Variants in ABCB5 observed in about 807,000 individuals in gnomAD.
The protein encoded by ABCB5 is ATP binding cassette subfamily B member 5.
Under a neutral mutation model 144.2 loss-of-function variants are expected in ABCB5, and 155 were observed. The observed-to-expected ratio is 1.08, with a 90% CI of 0.94 to 1.23. ABCB5 has a LOEUF of 1.23. ABCB5 is among the 50% of genes most tolerant of loss of function. The probability of loss-of-function intolerance (pLI) is 0.00; values close to 1 mark genes in which losing one functional copy is unlikely to be tolerated. For missense variants in ABCB5, 1,830 were observed against 1,520.8 expected (o/e 1.20, Z -3.38); for synonymous variants, 610 against 528.6 (o/e 1.15, Z -2.11).
At chr7:20,740,364 T>C (rs1426761449) in intron 24 of ABCB5, among the ~76,000 whole-genome samples, 1 of 152,246 alleles carries the variant, frequency 6.6e-6, no homozygotes. Flanking sequence ...TATACTTAAA[T>C]GTTTTTAACT....
intron 21 of ABCB5, 29 bp downstream of exon 21, chr7:20,723,248 A>G: frequency 6.2e-7 from 1 of 1,605,808 alleles, no homozygotes; most frequent in South Asian, 1.1e-5. Flanking sequence ...TCACCATCGT[A>G]ACATTTAAAG....
rs144219211 is a variant in ABCB5, at chr7:20,699,893, T to C, written c.2223T>C (p.Ile741=). The C allele has an allele frequency of 6.2e-7, 1 of 1,612,922 alleles. No individual in the cohort carries two copies. The highest frequency in any genetic ancestry group is 1.3e-5 in the African/African-American group (1 of 75,012). ...AAATTTATTCCATGATATTCGTCAT[T>C]TTGGGTGTTATTTGCTTTGTCAGTT... is the stretch of plus-strand genomic sequence containing the variant. ...DAEIYSMIFV[I]LGVICFVSYF... Residue 741 remains isoleucine (I), a synonymous_variant, in exon 18 of 28, where the codon ATT becomes ATC. Coordinates refer to ENST00000404938, the MANE Select transcript of ABCB5 (RefSeq NM_001163941.2).
chr7:20,740,736 G>A lies in ABCB5; in HGVS notation c.3024+1597G>A, dbSNP rs1037782825. Among the ~76,000 whole-genome samples, 3 of 152,062 alleles carry A rather than the reference G, an allele frequency of 2.0e-5. No individual in the cohort carries two copies. In the East Asian group the frequency reaches 5.8e-4, roughly 29 times the overall value. On this transcript the variant is annotated intron_variant, in intron 24 of 27. Coordinates refer to ENST00000404938, the MANE Select transcript of ABCB5 (RefSeq NM_001163941.2). ...AGACTATGGAAGTGTTTCTTATAAA[G>A]GCTATAAAATTAATGAATTTAATCC...
chr7:20,736,778 C>T (rs542276827), intron 23 of ABCB5, among the ~76,000 whole-genome samples: 1 of 152,272 alleles, frequency 6.6e-6, no homozygotes, highest in East Asian at 1.9e-4. Flanking sequence ...TTTAGCTCAC[C>T]CTAGCTAATT....
rs151323427 is a variant in ABCB5, at chr7:20,680,758, A to C, written c.1708-747A>C. ...ATACTTGTAAAAAAGTTAAAAATAT[A>C]TATTACTTTTAATTTGTACCCAACT... On this transcript the variant is annotated intron_variant, in intron 14 of 27. Transcript: ENST00000404938. Among the ~76,000 whole-genome samples the C allele has an allele frequency of 2.2e-3, 333 of 152,264 alleles. 3 individuals carry two copies. The highest frequency in any genetic ancestry group is 7.3e-3 in the African/African-American group (303 of 41,544).
intron 12 of ABCB5, among the ~76,000 whole-genome samples, chr7:20,650,568 C>T (rs11983804): frequency 0.28 from 37,035 of 132,368 alleles, 4,959 homozygotes; most frequent in African/African-American, 0.41. Context: ...CTTTTCTTTT[C>T]CTTTTTTTTT....
chr7:20,717,363 G>C lies in ABCB5; in HGVS notation c.2422-5653G>C, dbSNP rs560412962. On this transcript the variant is annotated intron_variant, in intron 20 of 27. Coordinates refer to ENST00000404938, the MANE Select transcript of ABCB5 (RefSeq NM_001163941.2). ...GGTTTTACTCCGAGGGCCTTGGCTT[G>C]TAGTTGGCTGTCTTCTATGCGTCCT... Among the ~76,000 whole-genome samples the C allele has an allele frequency of 2.5e-4, 38 of 151,906 alleles. No homozygotes were observed. In the South Asian group the frequency reaches 7.7e-3, roughly 31 times the overall value.
chr7:20,741,513 A>C (rs564872140), intron 24 of ABCB5, among the ~76,000 whole-genome samples: 66 of 152,272 alleles, frequency 4.3e-4, no homozygotes, highest in African/African-American at 1.6e-3. Flanking sequence ...AATACTCACT[A>C]CACTAAAATA....
intron 24 of ABCB5, among the ~76,000 whole-genome samples, chr7:20,740,227 G>A (rs10282100): frequency 5.3e-5 from 8 of 152,254 alleles, no homozygotes; most frequent in South Asian, 2.1e-4. Flanking sequence ...GCGACAGAGC[G>A]AGACTTGCTC....
chr7:20,673,324 G>A (rs576344140), intron 14 of ABCB5, among the ~76,000 whole-genome samples: 1 of 151,948 alleles, frequency 6.6e-6, no homozygotes, highest in Non-Finnish European at 1.5e-5. Flanking sequence ...TTGTCCTTAT[G>A]GTCTACTTGT....
At chr7:20,747,577 T>A (rs956534674) in intron 26 of ABCB5, among the ~76,000 whole-genome samples, 6 of 152,314 alleles carry the variant, frequency 3.9e-5, no homozygotes, top group African/African-American at 1.4e-4. Flanking sequence ...ATTCTTAAAT[T>A]GTTTATTATC....
In ABCB5 at chr7:20,708,959, C is replaced by T. The variant is rs146565171; in HGVS notation, c.2421+4152C>T. 1.4e-3 allele frequency among the ~76,000 whole-genome samples: 220 copies of T among 152,300 alleles called. 2 individuals carry two copies. The highest frequency in any genetic ancestry group is 5.0e-3 in the African/African-American group (207 of 41,558). On this transcript the variant is annotated intron_variant, in intron 20 of 27. Coordinates refer to ENST00000404938, the MANE Select transcript of ABCB5 (RefSeq NM_001163941.2). Reference sequence around the variant, plus strand: ...CACAGAAACTATTTATAGTGCCTAACTTTTCACTTACTTCAAATTCAACGT... The same window carrying T: ...CACAGAAACTATTTATAGTGCCTAATTTTTCACTTACTTCAAATTCAACGT...
In ABCB5 at chr7:20,745,290, C is replaced by T. The variant is rs1782684260; in HGVS notation, c.3281C>T (p.Ala1094Val). ...GTACAGTGGCTCCGTTCCCAAATAGCAATCGTTCCTCAAGAGCCTGTGCTC... is the reference window on the plus strand; with the variant it reads ...GTACAGTGGCTCCGTTCCCAAATAGTAATCGTTCCTCAAGAGCCTGTGCTC... ...LNVQWLRSQI[A>V]IVPQEPVLFN... Residue 1094 changes from alanine (A) to valine (V), a missense_variant, in exon 26 of 28, where the codon GCA becomes GTA. Coordinates refer to ENST00000404938, the MANE Select transcript of ABCB5 (RefSeq NM_001163941.2). 1.9e-6 allele frequency: 3 copies of T among 1,614,038 alleles called. No individual in the cohort carries two copies. The highest frequency in any genetic ancestry group is 1.7e-6 in the Non-Finnish European group (2 of 1,179,930).
At chr7:20,674,191 A>G (rs1322727173) in intron 14 of ABCB5, among the ~76,000 whole-genome samples, 1 of 151,844 alleles carries the variant, frequency 6.6e-6, no homozygotes, top group Non-Finnish European at 1.5e-5. Flanking sequence ...AAAAAATTAC[A>G]TTTTTCTCCA....
intron 26 of ABCB5, among the ~76,000 whole-genome samples, chr7:20,751,198 G>C (rs1346159514): frequency 6.6e-6 from 1 of 152,166 alleles, no homozygotes; most frequent in African/African-American, 2.4e-5. Context: ...CACCATCCCA[G>C]TGATTGCCAG....
At chr7:20,746,881 C>T (rs921323144) in intron 26 of ABCB5, among the ~76,000 whole-genome samples, 24 of 152,172 alleles carry the variant, frequency 1.6e-4, no homozygotes, top group African/African-American at 5.3e-4. Context: ...TTCTATCTCA[C>T]TTTAAAGGGA....
rs1309832371 is a variant in ABCB5 at position 20,727,087 on chromosome 7, A to G, written c.2673A>G (p.Thr891=). 27 of 1,613,624 alleles carry G rather than the reference A, an allele frequency of 1.7e-5. No homozygotes were observed. The highest frequency in any genetic ancestry group is 2.1e-5 in the Non-Finnish European group (25 of 1,179,824). ...LENIRTIVSL[T]REKAFEQMYE... ...ATATACGTACTATAGTGTCATTAAC[A>G]AGGGAAAAAGCCTTCGAGCAAATGT... is the stretch of plus-strand genomic sequence containing the variant. Residue 891 remains threonine, a synonymous_variant, in exon 22 of 28, where the codon ACA becomes ACG. Transcript: ENST00000404938.
chr7:20,734,225 C>A (rs191014416), intron 23 of ABCB5, among the ~76,000 whole-genome samples: 71 of 151,922 alleles, frequency 4.7e-4, no homozygotes, highest in African/African-American at 1.6e-3. Context: ...GACTCTGTAC[C>A]TTCCAGAATC....
intron 20 of ABCB5, among the ~76,000 whole-genome samples, chr7:20,705,326 T>A (rs1383654335): frequency 6.6e-6 from 1 of 152,210 alleles, no homozygotes; most frequent in Non-Finnish European, 1.5e-5. Context: ...TTTGTATATA[T>A]TCATAATTAG....
Sources: gnomAD v4.1 joint callset for allele counts (sites outside exome capture counted in the v4.1 genomes callset) on GRCh38, gnomAD v4.1.1 for gene constraint, MANE v1.5 for transcripts, NCBI Gene and HGNC (gene_info 2026-07-23, HGNC 2026-07-21) for gene names.